Variants in SLC49A4 observed in about 807,000 individuals in gnomAD.
SLC49A4 encodes solute carrier family 49 member 4.
In SLC49A4, 36 loss-of-function variants were observed where a neutral mutation model predicts 50.6. That is an observed-to-expected ratio of 0.71 (90% CI 0.55 to 0.94). The LOEUF is 0.94. Among genes scored for constraint, SLC49A4 ranks in the 40% least tolerant of loss-of-function variants. The pLI is 0.00. For synonymous variants in SLC49A4, 248 were observed against 241.2 expected (o/e 1.03, Z -0.26); for missense variants, 503 against 605.7 (o/e 0.83, Z 1.78).
At chr3:122,830,831 A>T (rs1286982421) in intron 3 of SLC49A4, among the ~76,000 whole-genome samples, 1 of 152,190 alleles carries the variant, frequency 6.6e-6, no homozygotes, top group Non-Finnish European at 1.5e-5. Context: ...GAACCCAGAG[A>T]GTGAAAAAGA....
At chr3:122,796,628 G>A (rs1936045456) in intron 1 of SLC49A4, among the ~76,000 whole-genome samples, 1 of 152,174 alleles carries the variant, frequency 6.6e-6, no homozygotes, top group Admixed American at 6.5e-5. Flanking sequence ...TGTTTTATAC[G>A]GGCAGTAATC....
Position 122,872,617 on chromosome 3 carries a change from A to G in SLC49A4, c.1321+20A>G, listed in dbSNP as rs1186463119. The G allele has an allele frequency of 2.6e-6, 4 of 1,535,708 alleles. No individual in the cohort carries two copies. Among genetic ancestry groups the G allele is most frequent in the Non-Finnish European group, 3.5e-6 (4 of 1,127,454 alleles). On this transcript the variant is annotated intron_variant, in intron 8 of 8. Coordinates refer to ENST00000261038, the MANE Select transcript of SLC49A4 (RefSeq NM_032839.3). ...ATACAGGTAAGAAATTTGATTTTTT[A>G]TTTACTATCTAAATGTGTTACAAGA...
intron 2 of SLC49A4, among the ~76,000 whole-genome samples, chr3:122,819,150 T>C (rs1232108795): frequency 6.9e-6 from 1 of 144,598 alleles, no homozygotes; most frequent in East Asian, 2.1e-4. Context: ...GAGGCTGAAG[T>C]GGGAGGATCA....
intron 2 of SLC49A4, among the ~76,000 whole-genome samples, chr3:122,820,896 C>T (rs950347389): frequency 3.0e-4 from 45 of 152,322 alleles, no homozygotes; most frequent in African/African-American, 9.6e-4. Context: ...AGAAGTTCCC[C>T]TCTGATATGG....
chr3:122,800,521 G>A (rs921634954), intron 1 of SLC49A4, among the ~76,000 whole-genome samples: 1 of 152,060 alleles, frequency 6.6e-6, no homozygotes, highest in Non-Finnish European at 1.5e-5. Flanking sequence ...CTTTTTTTTG[G>A]TAAGAGATAT....
rs566729292 is a variant in SLC49A4, at chr3:122,880,453, A to G, written c.*1075A>G. Reference sequence around the variant, plus strand: ...TCTACAGAAGATAGCTTTTTAAGAAATAAGAGTTCCACATTGAGTGGCTGT... The same window carrying G: ...TCTACAGAAGATAGCTTTTTAAGAAGTAAGAGTTCCACATTGAGTGGCTGT... On this transcript the variant is annotated 3_prime_UTR_variant, in exon 9 of 9. Coordinates refer to ENST00000261038, the MANE Select transcript of SLC49A4 (RefSeq NM_032839.3). The G allele has an allele frequency of 2.0e-5, 3 of 152,336 alleles. No homozygotes were observed. The highest frequency in any genetic ancestry group is 7.2e-5 in the African/African-American group (3 of 41,560). The allele number at this position is 152,336 out of a possible 1,614,324, so 9.4% of individuals were successfully genotyped here.
intron 1 of SLC49A4, among the ~76,000 whole-genome samples, chr3:122,800,932 G>A (rs1314537152): frequency 1.3e-5 from 2 of 152,204 alleles, no homozygotes; most frequent in African/African-American, 4.8e-5. Flanking sequence ...GGATTCTTGG[G>A]TAGCACTGAG....
chr3:122,834,278 A>G (rs552401014), intron 4 of SLC49A4, among the ~76,000 whole-genome samples: 13 of 152,316 alleles, frequency 8.5e-5, no homozygotes, highest in African/African-American at 3.1e-4. Flanking sequence ...ACTGTCCAGT[A>G]GGAATAAAAT....
chr3:122,826,724 T>A, intron 2 of SLC49A4, 76 bp from the exon 3 acceptor site: 1 of 1,471,606 alleles, frequency 6.8e-7, no homozygotes, highest in Non-Finnish European at 9.3e-7. Flanking sequence ...TAAAAACTGC[T>A]GTTTGGCTCA....
rs768710731 is a variant in SLC49A4 at position 122,826,754 on chromosome 3, A to T, written c.438-46A>T. ...GGCTCATTTCTTTTTGTCTTAGAAA[A>T]TGCCTGTTTCAAATACCTCACAGCC... On this transcript the variant is annotated intron_variant, in intron 2 of 8. Coordinates refer to ENST00000261038, the MANE Select transcript of SLC49A4 (RefSeq NM_032839.3). The T allele has an allele frequency of 2.5e-6, 4 of 1,590,798 alleles. No individual in the cohort carries two copies. The South Asian group carries it at 3.4e-5, about 13-fold the overall frequency.
chr3:122,795,339 G>A lies in SLC49A4; in HGVS notation c.147G>A (p.Gly49=), dbSNP rs750474498. 3 of 1,550,564 alleles carry A rather than the reference G, an allele frequency of 1.9e-6. No individual in the cohort carries two copies. The highest frequency in any genetic ancestry group is 1.2e-5 in the South Asian group (1 of 85,116). The part of the protein sequence containing the change: ...AAVPGPGRVY[G]RRWLVLLLFS... The stretch of plus-strand genomic sequence containing the variant: ...TCCCGGGTCCCGGGCGGGTATACGG[G>A]CGCCGCTGGCTGGTGCTGCTGCTCT... Residue 49 remains glycine (G), a synonymous_variant, in exon 1 of 9, where the codon GGG becomes GGA. Coordinates refer to ENST00000261038, the MANE Select transcript of SLC49A4 (RefSeq NM_032839.3).
chr3:122,802,039 A>G (rs2107554952), intron 1 of SLC49A4, among the ~76,000 whole-genome samples: 1 of 152,106 alleles, frequency 6.6e-6, no homozygotes, highest in East Asian at 1.9e-4. Context: ...TTCATGAGCC[A>G]GGCATAGCAC....
At chr3:122,862,934 C>A (rs1937074709) in intron 7 of SLC49A4, among the ~76,000 whole-genome samples, 1 of 152,078 alleles carries the variant, frequency 6.6e-6, no homozygotes, top group African/African-American at 2.4e-5. Flanking sequence ...TCTTTTAAAT[C>A]TTAAAATTGA....
Position 122,795,525 on chromosome 3 carries a change from G to A in SLC49A4, c.333G>A (p.Leu111=). 6.3e-7 allele frequency: 1 copy of A among 1,596,836 alleles called. No homozygotes were observed. The highest frequency in any genetic ancestry group is 1.3e-5 in the African/African-American group (1 of 74,358). Residue 111 remains leucine (L), a synonymous_variant, in exon 1 of 9, where the codon CTG becomes CTA. Transcript: ENST00000261038. ...CCTGCTTCGCGTTCATGTGGCTCCT[G>A]GACAAGAGAGGTGAGGGGTCGCGGA... is the stretch of plus-strand genomic sequence containing the variant. ...FLPCFAFMWL[L]DKRGLRITVL...
rs369478910 is a variant in SLC49A4, at chr3:122,856,285, G to A, written c.943-22G>A. On this transcript the variant is annotated intron_variant, in intron 5 of 8. Transcript: ENST00000261038. ...GCAGTATGATTGTCTTGTATTAAAT[G>A]TGTCTGCTTCTTTCTTAACAGGTAG... is the stretch of plus-strand genomic sequence containing the variant. 6 of 1,612,586 alleles carry A rather than the reference G, an allele frequency of 3.7e-6. No homozygotes were observed. In the South Asian group the frequency reaches 5.5e-5, roughly 15 times the overall value.
intron 4 of SLC49A4, among the ~76,000 whole-genome samples, chr3:122,839,266 A>G (rs1576302081): frequency 6.6e-6 from 1 of 152,242 alleles, no homozygotes; most frequent in East Asian, 1.9e-4. Flanking sequence ...AGACTTAAAT[A>G]TAAGATCTGA....
At chr3:122,795,921 T>G (rs1936030246) in intron 1 of SLC49A4, among the ~76,000 whole-genome samples, 1 of 152,042 alleles carries the variant, frequency 6.6e-6, no homozygotes, top group Admixed American at 6.6e-5. Context: ...GGATGAAAGG[T>G]CGGAAAATAG....
chr3:122,861,769 A>T (rs1442482981), intron 7 of SLC49A4, among the ~76,000 whole-genome samples: 16 of 152,184 alleles, frequency 1.1e-4, no homozygotes, highest in Admixed American at 1.0e-3. Flanking sequence ...AGGGGATAAG[A>T]TTGCCCTATA....
Position 122,808,694 on chromosome 3 carries a change from T to G in SLC49A4, c.437+1744T>G, listed in dbSNP as rs145236909. 1.2e-3 allele frequency among the ~76,000 whole-genome samples: 180 copies of G among 152,192 alleles called. 1 individual carries two copies. The highest frequency in any genetic ancestry group is 4.3e-3 in the African/African-American group (177 of 41,522). ...AGTGCCATGGTGCTCGGCTGCTCCT[T>G]TGAGAATGGACTGAAGCTTGAGGTC... On this transcript the variant is annotated intron_variant, in intron 2 of 8. Coordinates refer to ENST00000261038, the MANE Select transcript of SLC49A4 (RefSeq NM_032839.3).
Sources: allele counts gnomAD v4.1 joint callset (sites outside exome capture counted in the v4.1 genomes callset), GRCh38; gene constraint gnomAD v4.1.1; transcripts MANE v1.5; gene names NCBI Gene and HGNC (gene_info 2026-07-23, HGNC 2026-07-21).